The following ACBD6 variants were observed in gnomAD, a reference collection of about 807,000 sequenced individuals.
ACBD6 encodes the protein acyl-CoA binding domain containing 6.
Under a neutral mutation model 37.2 loss-of-function variants are expected in ACBD6, and 28 were observed. That is an observed-to-expected ratio of 0.75 (90% confidence interval 0.56 to 1.03). The LOEUF (loss-of-function observed/expected upper bound fraction) is 1.03, where lower values mean the gene tolerates loss of function less well. Ranked by LOEUF, ACBD6 falls within the 50% of genes least tolerant of loss-of-function variation. The pLI is 0.00. For missense variants in ACBD6, 340 were observed against 337.4 expected (o/e 1.01, Z -0.06); for synonymous variants, 113 against 126.8 (o/e 0.89, Z 0.73).
chr1:180,318,172 C>CT (rs200119609), intron 6 of ACBD6, among the ~76,000 whole-genome samples: 8,571 of 106,444 alleles, frequency 0.081, 1,201 homozygotes, highest in African/African-American at 0.28. Flanking sequence ...CGCCCCCCCC[C>CT]CCCAAAAAAA....
At chr1:180,300,778 C>T (rs552701252) in intron 7 of ACBD6, among the ~76,000 whole-genome samples, 1 of 152,144 alleles carries the variant, frequency 6.6e-6, no homozygotes, top group South Asian at 2.1e-4. Flanking sequence ...AATATAAAAG[C>T]ACACAGACAG....
intron 3 of ACBD6, among the ~76,000 whole-genome samples, chr1:180,477,525 TC>T (rs1650846163): frequency 1.3e-5 from 2 of 152,172 alleles, no homozygotes; most frequent in Admixed American, 1.3e-4. Flanking sequence ...ATAATCAATC[TC>T]TGTTCCTAGT....
At chr1:180,468,222 C>T (rs1650424225) in intron 3 of ACBD6, among the ~76,000 whole-genome samples, 1 of 152,294 alleles carries the variant, frequency 6.6e-6, no homozygotes, top group Non-Finnish European at 1.5e-5. Context: ...CAAAGTTTGC[C>T]TCTTGAACTT....
intron 3 of ACBD6, among the ~76,000 whole-genome samples, chr1:180,470,541 G>A (rs1384502778): frequency 2.0e-5 from 3 of 152,146 alleles, no homozygotes; most frequent in Non-Finnish European, 4.4e-5. Flanking sequence ...TTTAAATACA[G>A]GACTCTGCAT....
At chr1:180,312,791 G>C (rs1295424764) in intron 7 of ACBD6, among the ~76,000 whole-genome samples, 1 of 152,144 alleles carries the variant, frequency 6.6e-6, no homozygotes, top group Non-Finnish European at 1.5e-5. Flanking sequence ...GTCAGACATT[G>C]TTCCAAGCAC....
intron 4 of ACBD6, among the ~76,000 whole-genome samples, chr1:180,417,033 T>C (rs1479140089): frequency 6.6e-6 from 1 of 152,186 alleles, no homozygotes; most frequent in East Asian, 1.9e-4. Flanking sequence ...TAAGTATTTA[T>C]TGCATGAATG....
chr1:180,390,891 A>G (rs1431441570), intron 6 of ACBD6, among the ~76,000 whole-genome samples: 1 of 152,206 alleles, frequency 6.6e-6, no homozygotes, highest in African/African-American at 2.4e-5. Context: ...CAACTTTGAA[A>G]AAAGGCGGAA....
intron 5 of ACBD6, among the ~76,000 whole-genome samples, chr1:180,411,415 AT>A (rs1647851881): frequency 6.6e-6 from 1 of 152,194 alleles, no homozygotes; most frequent in Non-Finnish European, 1.5e-5. Context: ...CAATGTAGCT[AT>A]CTTCACTGTT....
At chr1:180,377,421 TTTAAACACATTTTCTA>T (rs1384670978) in intron 6 of ACBD6, among the ~76,000 whole-genome samples, 2 of 152,190 alleles carry the variant, frequency 1.3e-5, no homozygotes, top group African/African-American at 4.8e-5. Context: ...GCTCTTAGTT[TTTAAACACATTTTCTA>T]ATAAAGGGAA....
At chr1:180,415,271 C>T (rs141371373) in intron 4 of ACBD6, among the ~76,000 whole-genome samples, 2 of 150,744 alleles carry the variant, frequency 1.3e-5, no homozygotes, top group African/African-American at 4.9e-5. Flanking sequence ...GTGACACGTG[C>T]ATGTAATCCC....
intron 3 of ACBD6, chr1:180,435,433 TTA>T: frequency 2.4e-6 from 1 of 416,302 alleles, no homozygotes; most frequent in Non-Finnish European, 4.4e-6. Context: ...TTTTTTTTTT[TTA>T]GTAGAGACGG....
chr1:180,337,028 A>G (rs151231956), intron 6 of ACBD6, among the ~76,000 whole-genome samples: 132,259 of 151,976 alleles, frequency 0.87, 58,387 homozygotes, highest in East Asian at 0.98. Context: ...CTCACCAACC[A>G]AAAAAAGTCC....
At chr1:180,404,344 C>G (rs72714859) in intron 5 of ACBD6, among the ~76,000 whole-genome samples, 1 of 151,982 alleles carries the variant, frequency 6.6e-6, no homozygotes, top group Admixed American at 6.6e-5. Flanking sequence ...TTTTTTATCA[C>G]GAGACGGGAT....
In ACBD6 at chr1:180,502,214, T is replaced by A; in HGVS notation, c.53A>T (p.Glu18Val). Residue 18 changes from glutamate to valine, a missense_variant, in exon 1 of 8, where the codon GAG becomes GTG. Transcript: ENST00000367595. ...AGAITGDSGGELSSGDDSGEV... is the reference protein window; with the variant it reads ...AGAITGDSGGVLSSGDDSGEV... Reference sequence around the variant, plus strand: ...CCCGGAGTCGTCCCCTGAGCTCAGCTCTCCACCGCTGTCGCCGGTGATGGC... The same window carrying A: ...CCCGGAGTCGTCCCCTGAGCTCAGCACTCCACCGCTGTCGCCGGTGATGGC... 1 of 1,613,876 alleles carries A rather than the reference T, an allele frequency of 6.2e-7. No homozygotes were observed. The highest frequency in any genetic ancestry group is 8.5e-7 in the Non-Finnish European group (1 of 1,180,024).
chr1:180,277,468 A>G (rs1649102888), intron 9 of ACBD6: 1 of 152,216 alleles, frequency 6.6e-6, no homozygotes, highest in Non-Finnish European at 1.5e-5. Context: ...TAGAGTAGGA[A>G]GCTCTTGAAT....
intron 6 of ACBD6, among the ~76,000 whole-genome samples, chr1:180,338,955 GA>G (rs1204394884): frequency 1.3e-5 from 2 of 152,214 alleles, no homozygotes; most frequent in Non-Finnish European, 2.9e-5. Context: ...GGCCATCAGA[GA>G]AATGCAAATC....
At chr1:180,316,698 C>T (rs891881666) in intron 6 of ACBD6, among the ~76,000 whole-genome samples, 2 of 152,090 alleles carry the variant, frequency 1.3e-5, no homozygotes, top group East Asian at 1.9e-4. Flanking sequence ...TATATCTCTA[C>T]CTCAATTTCT....
At chr1:180,326,133 G>C (rs1322001043) in intron 6 of ACBD6, among the ~76,000 whole-genome samples, 1 of 152,190 alleles carries the variant, frequency 6.6e-6, no homozygotes, top group East Asian at 1.9e-4. Context: ...CCAGGCCCTG[G>C]GTGGGTCCAG....
At chr1:180,334,185 A>G (rs1161816010) in intron 6 of ACBD6, among the ~76,000 whole-genome samples, 1 of 152,222 alleles carries the variant, frequency 6.6e-6, no homozygotes, top group Non-Finnish European at 1.5e-5. Flanking sequence ...CCCAGCACAT[A>G]GCTGGAGATC....
Sources: allele counts gnomAD v4.1 joint callset (sites outside exome capture counted in the v4.1 genomes callset), GRCh38; gene constraint gnomAD v4.1.1; transcripts MANE v1.5; gene names NCBI Gene and HGNC (gene_info 2026-07-23, HGNC 2026-07-21).